Variants in CNTNAP4 observed in about 807,000 individuals in gnomAD.
CNTNAP4 encodes the protein contactin-associated protein-like 4.
A neutral mutation model predicts 148.4 loss-of-function variants in CNTNAP4; 98 were observed. That is an observed-to-expected ratio of 0.66 (90% confidence interval 0.56 to 0.78). The LOEUF (loss-of-function observed/expected upper bound fraction) is 0.78. Ranked by LOEUF, CNTNAP4 falls within the 30% of genes least tolerant of loss-of-function variation. CNTNAP4 has a pLI of 0.00. For missense variants in CNTNAP4, 1,935 were observed against 1,565.6 expected, an observed-to-expected ratio of 1.24 and a Z score of -3.98; for synonymous variants, 730 against 565.1, an observed-to-expected ratio of 1.29 and a Z score of -4.14.
chr16:76,435,019 C>T (rs542432806), intron 4 of CNTNAP4, among the ~76,000 whole-genome samples: 1 of 152,240 alleles, frequency 6.6e-6, no homozygotes, highest in African/African-American at 2.4e-5. Context: ...ATTTTCCTTT[C>T]CCCAGTGCAC....
At chr16:76,284,032 GC>G (rs1485558680) in intron 1 of CNTNAP4, among the ~76,000 whole-genome samples, 3 of 151,764 alleles carry the variant, frequency 2.0e-5, no homozygotes, top group Non-Finnish European at 4.4e-5. Context: ...TGTCTTCCAT[GC>G]TCTAGTGTTT....
intron 21 of CNTNAP4, among the ~76,000 whole-genome samples, chr16:76,549,584 A>G (rs924518616): frequency 2.0e-5 from 3 of 152,216 alleles, no homozygotes; most frequent in Non-Finnish European, 4.4e-5. Context: ...GGAGACAGAC[A>G]ACAACATGAA....
chr16:76,533,862 G>T (rs1568543221), intron 17 of CNTNAP4, among the ~76,000 whole-genome samples: 1 of 152,108 alleles, frequency 6.6e-6, no homozygotes, highest in Non-Finnish European at 1.5e-5. Flanking sequence ...ACACCCTTAA[G>T]ACCTTGGCAT....
intron 4 of CNTNAP4, among the ~76,000 whole-genome samples, chr16:76,437,233 C>A (rs1310989860): frequency 6.6e-6 from 1 of 152,008 alleles, no homozygotes; most frequent in Non-Finnish European, 1.5e-5. Context: ...AGTTGGTGCC[C>A]ACCCAGATTA....
intron 9 of CNTNAP4, among the ~76,000 whole-genome samples, chr16:76,465,302 C>A (rs536591941): frequency 6.6e-6 from 1 of 152,296 alleles, no homozygotes; most frequent in South Asian, 2.1e-4. Context: ...ATTATATTAA[C>A]TTGTTGCTGC....
At chr16:76,430,160 A>G (rs2079558287) in intron 4 of CNTNAP4, among the ~76,000 whole-genome samples, 1 of 152,206 alleles carries the variant, frequency 6.6e-6, no homozygotes, top group African/African-American at 2.4e-5. Flanking sequence ...TATATTTATT[A>G]AAATGTGATA....
intron 3 of CNTNAP4, among the ~76,000 whole-genome samples, chr16:76,379,979 T>G (rs1373788199): frequency 6.6e-6 from 1 of 152,200 alleles, no homozygotes; most frequent in Non-Finnish European, 1.5e-5. Context: ...AGTATTTTTG[T>G]CTATCTACTT....
chr16:76,365,223 C>T (rs8059413), intron 3 of CNTNAP4, among the ~76,000 whole-genome samples: 21,377 of 151,930 alleles, frequency 0.14, 2,133 homozygotes, highest in East Asian at 0.47. Flanking sequence ...TGTTCTGTTC[C>T]CTTGGTCTAT....
chr16:76,444,178 A>G (rs1467909299), intron 4 of CNTNAP4, among the ~76,000 whole-genome samples: 1 of 152,178 alleles, frequency 6.6e-6, no homozygotes, highest in Admixed American at 6.5e-5. Context: ...AATATTCAAC[A>G]GGACAATAAA....
At chr16:76,316,370 T>C (rs777864908) in intron 1 of CNTNAP4, 43 bp from the exon 2 acceptor site, 24 of 1,318,020 alleles carry the variant, frequency 1.8e-5, no homozygotes, top group Non-Finnish European at 2.3e-5. Flanking sequence ...CACGAAAGCC[T>C]CAGCACTAAC....
chr16:76,288,718 A>C (rs1597086514), intron 1 of CNTNAP4, among the ~76,000 whole-genome samples: 4 of 152,348 alleles, frequency 2.6e-5, no homozygotes, highest in Admixed American at 2.6e-4. Flanking sequence ...CATCTAGCAC[A>C]GTGCCTGGAA....
At chr16:76,398,840 A>G (rs911727098) in intron 3 of CNTNAP4, among the ~76,000 whole-genome samples, 1 of 152,130 alleles carries the variant, frequency 6.6e-6, no homozygotes, top group Non-Finnish European at 1.5e-5. Context: ...ATATTTGTAC[A>G]TATATATACT....
intron 2 of CNTNAP4, among the ~76,000 whole-genome samples, chr16:76,350,340 T>C (rs942575639): frequency 7.2e-5 from 11 of 152,328 alleles, no homozygotes; most frequent in African/African-American, 1.9e-4. Flanking sequence ...TAAATACTTT[T>C]GTTTTTTTTC....
At chr16:76,524,432 T>C (rs1230012685) in intron 17 of CNTNAP4, among the ~76,000 whole-genome samples, 2 of 152,162 alleles carry the variant, frequency 1.3e-5, no homozygotes, top group African/African-American at 4.8e-5. Flanking sequence ...TTCTTGGAAA[T>C]TGAGAGGCTG....
rs376437348 is a variant in CNTNAP4 at position 76,476,052 on chromosome 16, G to A, written c.1762+7G>A. ...GGAGCTACTTGCCATAACTGTAAGC[G>A]GAACACATCTGCTTTTTCTTGCCCC... On this transcript the variant is annotated splice_region_variant and intron_variant, in intron 11 of 23. Transcript: ENST00000611870. 82 of 1,578,442 alleles carry A rather than the reference G, an allele frequency of 5.2e-5. No homozygotes were observed. Among genetic ancestry groups the A allele is most frequent in the Non-Finnish European group, 6.0e-5 (69 of 1,147,850 alleles).
intron 3 of CNTNAP4, among the ~76,000 whole-genome samples, chr16:76,425,628 C>A (rs1841797805): frequency 6.6e-6 from 1 of 151,766 alleles, no homozygotes; most frequent in East Asian, 1.9e-4. Flanking sequence ...AGACTGTGAT[C>A]AAAAAGGGCC....
At chr16:76,454,136 T>C (rs7188376) in intron 8 of CNTNAP4, among the ~76,000 whole-genome samples, 157 of 146,666 alleles carry the variant, frequency 1.1e-3, no homozygotes, top group African/African-American at 3.6e-3. Flanking sequence ...TTTTCTGAGA[T>C]GGAGTTTTGC....
At chr16:76,548,976 G>A (rs772389003) in intron 21 of CNTNAP4, among the ~76,000 whole-genome samples, 8 of 152,086 alleles carry the variant, frequency 5.3e-5, no homozygotes, top group Non-Finnish European at 1.0e-4. Flanking sequence ...CTGGGAGGAC[G>A]GCGGCTGAGT....
At chr16:76,281,250 C>A (rs1958676156) in intron 1 of CNTNAP4, among the ~76,000 whole-genome samples, 1 of 152,014 alleles carries the variant, frequency 6.6e-6, no homozygotes, top group Non-Finnish European at 1.5e-5. Flanking sequence ...ATATTTACTC[C>A]TATAGCAGAA....
Sources: gnomAD v4.1 joint callset for allele counts (sites outside exome capture counted in the v4.1 genomes callset) on GRCh38, gnomAD v4.1.1 for gene constraint, MANE v1.5 for transcripts, NCBI Gene and HGNC (gene_info 2026-07-23, HGNC 2026-07-21) for gene names.